DPY30: variants seen among roughly 807,000 people sequenced by gnomAD.
DPY30 encodes dpy-30 histone methyltransferase complex regulatory subunit, also known as protein dpy-30 homolog.
In DPY30, 6 loss-of-function variants were observed where a neutral mutation model predicts 16.2. The observed-to-expected ratio is 0.37, with a 90% CI of 0.20 to 0.73. The LOEUF is 0.73. Ranked by LOEUF, DPY30 falls within the 30% of genes least tolerant of loss-of-function variation. The probability of loss-of-function intolerance (pLI) is 0.51; values close to 1 mark genes in which losing one functional copy is unlikely to be tolerated. For missense variants in DPY30, 73 were observed against 113.1 expected (o/e 0.65, Z 1.61); for synonymous variants, 39 against 38.8 (o/e 1.00, Z -0.02).
intron 3 of DPY30, among the ~76,000 whole-genome samples, chr2:32,032,284 C>T (rs1350355014): frequency 1.3e-5 from 2 of 152,034 alleles, no homozygotes; most frequent in Non-Finnish European, 2.9e-5. Flanking sequence ...TTTTATTTTT[C>T]ATTATTAAAT....
intron 3 of DPY30, among the ~76,000 whole-genome samples, chr2:32,035,763 G>A (rs1412721344): frequency 2.0e-5 from 3 of 151,214 alleles, no homozygotes; most frequent in East Asian, 1.9e-4. Flanking sequence ...GTGAAACCCC[G>A]CCTCTACTAA....
In DPY30 at chr2:32,024,128, C is replaced by T; in HGVS notation, c.*56G>A. 1 of 1,582,936 alleles carries T rather than the reference C, an allele frequency of 6.3e-7. No homozygotes were observed. Among genetic ancestry groups the T allele is most frequent in the Non-Finnish European group, 8.6e-7 (1 of 1,163,856 alleles). ...GAATGATCATGGCAATTAAAGCTGC[C>T]TCTTAATCATGTAAATCTACAGTAG... On this transcript the variant is annotated 3_prime_UTR_variant, in exon 5 of 5. Transcript: ENST00000342166.
At chr2:32,032,720 G>A (rs886651048) in intron 3 of DPY30, among the ~76,000 whole-genome samples, 3 of 152,254 alleles carry the variant, frequency 2.0e-5, no homozygotes, top group South Asian at 4.1e-4. Flanking sequence ...ATTTTAGGCC[G>A]GGCACAGTGG....
intron 3 of DPY30, among the ~76,000 whole-genome samples, chr2:32,034,641 G>C (rs955976920): frequency 6.6e-6 from 1 of 152,116 alleles, no homozygotes; most frequent in Non-Finnish European, 1.5e-5. Context: ...TACACCAGGA[G>C]GAACAATCCT....
chr2:32,025,184 G>A (rs1018467964), intron 4 of DPY30, among the ~76,000 whole-genome samples: 1 of 152,112 alleles, frequency 6.6e-6, no homozygotes, highest in East Asian at 1.9e-4. Flanking sequence ...ATGTATTTGG[G>A]GCCAGGCGCA....
At chr2:32,022,094 C>A (rs934391761), downstream of DPY30, among the ~76,000 whole-genome samples, 1 of 151,324 alleles carries the variant, frequency 6.6e-6, no homozygotes, top group African/African-American at 2.4e-5. Context: ...CCTGTAGTCT[C>A]ATCTACTCAG....
chr2:32,034,402 T>C (rs1043573728), intron 3 of DPY30, among the ~76,000 whole-genome samples: 7 of 152,092 alleles, frequency 4.6e-5, no homozygotes, highest in African/African-American at 1.7e-4. Context: ...GTGTGTCACA[T>C]AACAAGAGAG....
rs777138246 is a variant in DPY30, at chr2:32,029,623, T to C, written c.198A>G (p.Leu66=). The C allele has an allele frequency of 6.2e-7, 1 of 1,613,514 alleles. No homozygotes were observed. The highest frequency in any genetic ancestry group is 1.1e-5 in the South Asian group (1 of 91,058). ...CCTTTGCAAGCACAGCAAGTCCCTG[T>C]AATAAGATAGGCACAACTGTCTGAT... is the stretch of plus-strand genomic sequence containing the variant. ...YLDQTVVPIL[L]QGLAVLAKER... The change falls in exon 4 of 5, where the codon TTA becomes TTG. Residue 66 remains leucine, a synonymous_variant. Coordinates refer to ENST00000342166, the MANE Select transcript of DPY30 (RefSeq NM_001321209.2).
chr2:32,033,192 C>T (rs1364978240), intron 3 of DPY30, among the ~76,000 whole-genome samples: 1 of 151,856 alleles, frequency 6.6e-6, no homozygotes, highest in East Asian at 1.9e-4. Context: ...CCTGTAATCC[C>T]AGGCACTCGG....
intron 4 of DPY30, among the ~76,000 whole-genome samples, chr2:32,028,537 TC>T (rs1675416929): frequency 2.0e-5 from 3 of 152,164 alleles, no homozygotes; most frequent in Admixed American, 2.0e-4. Context: ...GCTCAGTGGC[TC>T]ACGCCTATAA....
chr2:32,039,433 C>G lies in DPY30; in HGVS notation c.24G>C (p.Glu8Asp), dbSNP rs765025890. The G allele has an allele frequency of 6.2e-7, 1 of 1,614,084 alleles. No individual in the cohort carries two copies. Among genetic ancestry groups the G allele is most frequent in the Non-Finnish European group, 8.5e-7 (1 of 1,180,048 alleles). MEPEQML[E>D]GQTQVAENPH... Reference sequence around the variant, plus strand: ...GGCCTCCTGATACCTGCGTTTGTCCCTCCAGCATCTGCTCTGGCTCCATGG... The same window carrying G: ...GGCCTCCTGATACCTGCGTTTGTCCGTCCAGCATCTGCTCTGGCTCCATGG... The change falls in exon 2 of 5, where the codon GAG (glutamate) becomes GAC (aspartate). Residue 8 changes from glutamate to aspartate, a missense_variant. Glu to Asp is a conservative substitution (Grantham distance 45). Coordinates refer to ENST00000342166, the MANE Select transcript of DPY30 (RefSeq NM_001321209.2).
intron 3 of DPY30, among the ~76,000 whole-genome samples, chr2:32,033,651 A>G (rs1675629149): frequency 1.3e-5 from 2 of 152,250 alleles, no homozygotes; most frequent in African/African-American, 4.8e-5. Context: ...CAGCCCAGCA[A>G]CAAGAGCAAA....
intron 3 of DPY30, among the ~76,000 whole-genome samples, chr2:32,037,927 CAG>C (rs1675808271): frequency 3.9e-5 from 6 of 151,960 alleles, no homozygotes; most frequent in Middle Eastern, 6.8e-3. Context: ...TTTCTAAGCA[CAG>C]TAATAATAGT....
At chr2:32,015,881 G>A (rs895566733) in intron 5 of DPY30, among the ~76,000 whole-genome samples, 4 of 149,424 alleles carry the variant, frequency 2.7e-5, no homozygotes, top group African/African-American at 9.8e-5. Context: ...ACAAAGCTTT[G>A]TTAAAGACTG....
At chr2:32,037,948 T>A (rs911409098) in intron 3 of DPY30, among the ~76,000 whole-genome samples, 1 of 151,912 alleles carries the variant, frequency 6.6e-6, no homozygotes, top group African/African-American at 2.4e-5. Flanking sequence ...GTAATAGCTG[T>A]TAATATTAAT....
At chr2:32,036,035 A>C (rs2148669724) in intron 3 of DPY30, among the ~76,000 whole-genome samples, 1 of 150,182 alleles carries the variant, frequency 6.7e-6, no homozygotes. Flanking sequence ...CCCACCCTGC[A>C]GTGCACTGGC....
intron 4 of DPY30, among the ~76,000 whole-genome samples, chr2:32,024,482 C>T (rs1055649753): frequency 6.6e-6 from 1 of 152,092 alleles, no homozygotes; most frequent in Admixed American, 6.6e-5. Flanking sequence ...TGGTTATGAA[C>T]TCAATTTTAA....
At chr2:32,014,813 A>G (rs1469924928) in intron 5 of DPY30, among the ~76,000 whole-genome samples, 1 of 152,094 alleles carries the variant, frequency 6.6e-6, no homozygotes, top group Non-Finnish European at 1.5e-5. Flanking sequence ...AAAAAGAAGA[A>G]TGAAATGGCA....
At position 32,012,733 on chromosome 2, in the gene DPY30, C is replaced by G. The variant is rs543630581; in HGVS notation, n.378-681G>C. ...GATTACAGGCATGAGCCATCGCACC[C>G]AGGCCAAAGCTACTTTAGAGGTAAC... On this transcript the variant is annotated intron_variant and non_coding_transcript_variant, in intron 5 of 5. Coordinates refer to the DPY30 transcript ENST00000414013. Among the ~76,000 whole-genome samples the G allele has an allele frequency of 1.1e-3, 163 of 152,254 alleles. 1 individual carries two copies. Among genetic ancestry groups the G allele is most frequent in the African/African-American group, 3.9e-3 (161 of 41,532 alleles).
Sources: allele counts gnomAD v4.1 joint callset (sites outside exome capture counted in the v4.1 genomes callset), GRCh38; gene constraint gnomAD v4.1.1; transcripts MANE v1.5; gene names NCBI Gene and HGNC (gene_info 2026-07-23, HGNC 2026-07-21).